The following LDLRAD3 variants were observed in gnomAD, a reference collection of about 807,000 sequenced individuals.
LDLRAD3 encodes the protein low density lipoprotein receptor class A domain containing 3.
A neutral mutation model predicts 29.4 loss-of-function variants in LDLRAD3; 20 were observed. The ratio of observed to expected loss-of-function variants is 0.68; its 90% CI spans 0.48 to 0.99. LDLRAD3 has a LOEUF of 0.99. Among genes scored for constraint, LDLRAD3 ranks in the 50% least tolerant of loss-of-function variants. The pLI, the probability that LDLRAD3 is intolerant of heterozygous loss-of-function variation, is 0.00. For synonymous variants in LDLRAD3, 157 were observed against 192.7 expected, an observed-to-expected ratio of 0.81 and a Z score of 1.53; for missense variants, 420 against 454.3, an observed-to-expected ratio of 0.92 and a Z score of 0.69.
At chr11:36,158,190 C>G (rs1312427432) in intron 4 of LDLRAD3, among the ~76,000 whole-genome samples, 1 of 152,134 alleles carries the variant, frequency 6.6e-6, no homozygotes, top group Non-Finnish European at 1.5e-5. Context: ...ATGAAGATAG[C>G]CTCAGCACAT....
intron 1 of LDLRAD3, among the ~76,000 whole-genome samples, chr11:35,954,673 G>A (rs1851179703): frequency 6.6e-6 from 1 of 152,174 alleles, no homozygotes; most frequent in Admixed American, 6.5e-5. Context: ...CTGGAGTTTA[G>A]AACAGTCTCA....
rs7948153 is a variant in LDLRAD3, at chr11:36,169,042, C to G, written c.455-58043C>G. On this transcript the variant is annotated intron_variant, in intron 4 of 5. Coordinates refer to ENST00000315571, the MANE Select transcript of LDLRAD3 (RefSeq NM_174902.4). ...AGGAGTCACCCTGCTTTTTTACTCTCCCAGAAGAGTTGTCTTATTTCTGAT... is the reference window on the plus strand; with the variant it reads ...AGGAGTCACCCTGCTTTTTTACTCTGCCAGAAGAGTTGTCTTATTTCTGAT... Among the ~76,000 whole-genome samples the G allele has an allele frequency of 7.5e-3, 1,136 of 152,238 alleles. 9 individuals carry two copies. Among genetic ancestry groups the G allele is most frequent in the Non-Finnish European group, 9.7e-3 (658 of 68,006 alleles).
At chr11:36,182,861 AGTTTAATAATGCAAG>A (rs1456456437) in intron 4 of LDLRAD3, among the ~76,000 whole-genome samples, 33 of 152,176 alleles carry the variant, frequency 2.2e-4, no homozygotes, top group Non-Finnish European at 4.6e-4. Flanking sequence ...TGTGTGTCTC[AGTTTAATAATGCAAG>A]CTTTTGGTTT....
intron 4 of LDLRAD3, among the ~76,000 whole-genome samples, chr11:36,122,598 T>C (rs2133297531): frequency 6.6e-6 from 1 of 152,308 alleles, no homozygotes; most frequent in Non-Finnish European, 1.5e-5. Context: ...AAGCAGGAAC[T>C]GTTTTAGGTG....
chr11:35,959,602 T>C (rs113306449), intron 1 of LDLRAD3, among the ~76,000 whole-genome samples: 1,755 of 152,286 alleles, frequency 0.012, 42 homozygotes, highest in African/African-American at 0.04. Flanking sequence ...TTAATATATG[T>C]CATTATAATT....
At chr11:36,188,095 G>T (rs940314459) in intron 4 of LDLRAD3, among the ~76,000 whole-genome samples, 1 of 151,956 alleles carries the variant, frequency 6.6e-6, no homozygotes, top group African/African-American at 2.4e-5. Context: ...TCTTACTATT[G>T]ACCCAGCATG....
At chr11:36,204,256 C>T (rs956142436) in intron 4 of LDLRAD3, among the ~76,000 whole-genome samples, 1 of 152,108 alleles carries the variant, frequency 6.6e-6, no homozygotes, top group African/African-American at 2.4e-5. Context: ...TATGGCATAG[C>T]AAGGGGGTCA....
At chr11:36,146,773 C>CTTTTTATTTTATTTTATTTTATTTTAT (rs374445667) in intron 4 of LDLRAD3, among the ~76,000 whole-genome samples, 2 of 143,742 alleles carry the variant, frequency 1.4e-5, no homozygotes, top group African/African-American at 5.3e-5. Context: ...TTTCCCTCTA[C>CTTTTTATTTTATTTTATTTTATTTTAT]TTTATTTTAT....
At chr11:36,003,368 C>T (rs2133179943) in intron 1 of LDLRAD3, among the ~76,000 whole-genome samples, 1 of 152,320 alleles carries the variant, frequency 6.6e-6, no homozygotes, top group Non-Finnish European at 1.5e-5. Flanking sequence ...TCCATATTAA[C>T]TGTATTTTCT....
At chr11:36,044,081 A>G (rs76934523) in intron 2 of LDLRAD3, among the ~76,000 whole-genome samples, 3,701 of 152,242 alleles carry the variant, frequency 0.024, 93 homozygotes, top group East Asian at 0.11. Flanking sequence ...CATTAATGCT[A>G]TGGTTAAGAA....
At chr11:36,147,728 G>A (rs893972465) in intron 4 of LDLRAD3, among the ~76,000 whole-genome samples, 7 of 152,196 alleles carry the variant, frequency 4.6e-5, no homozygotes, top group African/African-American at 1.4e-4. Flanking sequence ...CCAGACTCCT[G>A]TGATTCTGAC....
intron 4 of LDLRAD3, among the ~76,000 whole-genome samples, chr11:36,158,566 C>G (rs1396530603): frequency 7.7e-6 from 1 of 129,830 alleles, no homozygotes; most frequent in East Asian, 2.4e-4. Flanking sequence ...ATTATCTTCT[C>G]CCAAACAATA....
Position 36,078,133 on chromosome 11 carries a change from T to C in LDLRAD3, c.194-3520T>C, listed in dbSNP as rs562752761. Among the ~76,000 whole-genome samples the C allele has an allele frequency of 2.2e-3, 336 of 152,276 alleles. 2 individuals are homozygous for C. The highest frequency in any genetic ancestry group is 6.8e-3 in the Middle Eastern group (2 of 294). The stretch of plus-strand genomic sequence containing the variant: ...AGTCTGGCTGAGTCCGGAGTTTTTA[T>C]GAGCCTCAGAGGGGAGGAAGTGCAT... On this transcript the variant is annotated intron_variant, in intron 2 of 5. Transcript: ENST00000315571.
At chr11:35,973,324 A>G (rs1851438884) in intron 1 of LDLRAD3, among the ~76,000 whole-genome samples, 1 of 152,220 alleles carries the variant, frequency 6.6e-6, no homozygotes, top group African/African-American at 2.4e-5. Flanking sequence ...TCCTATTGGT[A>G]GACAGGTTGA....
At chr11:36,031,908 A>G (rs1345089282) in intron 1 of LDLRAD3, among the ~76,000 whole-genome samples, 1 of 152,244 alleles carries the variant, frequency 6.6e-6, no homozygotes, top group Non-Finnish European at 1.5e-5. Flanking sequence ...GGTGGCTGAA[A>G]TGACAGAAGT....
intron 4 of LDLRAD3, among the ~76,000 whole-genome samples, chr11:36,179,178 G>A (rs1854720728): frequency 6.6e-6 from 1 of 152,134 alleles, no homozygotes. Context: ...GAATGAAAAG[G>A]TAGAGCCCAG....
At chr11:36,136,529 C>G (rs1028238827) in intron 4 of LDLRAD3, among the ~76,000 whole-genome samples, 2 of 151,990 alleles carry the variant, frequency 1.3e-5, no homozygotes, top group African/African-American at 2.4e-5. Context: ...GTGTGTGGCA[C>G]CTCCCGCCAG....
chr11:35,944,394 T>C lies in LDLRAD3; in HGVS notation c.46+250T>C, dbSNP rs1177144934. On this transcript the variant is annotated intron_variant, in intron 1 of 5. Transcript: ENST00000315571. This position sits in a 1 kb window ranked among gnomAD's most constrained non-coding sequence, Gnocchi z 4.9. The stretch of plus-strand genomic sequence containing the variant: ...TGCTGTGTGCGCGGGCGGGGCTCTG[T>C]GTGCAGTCCGGGTCTGGGGAGCCCG... Among the ~76,000 whole-genome samples, 4 of 152,118 alleles carry C rather than the reference T, an allele frequency of 2.6e-5. No homozygotes were observed. In the East Asian group the frequency reaches 5.8e-4, roughly 22 times the overall value.
In LDLRAD3 at chr11:36,098,357, G is replaced by T. The variant is rs758015390; in HGVS notation, c.350G>T (p.Arg117Leu). The change falls in exon 4 of 6, where the codon CGC (arginine) becomes CTC (leucine). Residue 117 changes from arginine to leucine, a missense_variant. This residue lies in a region of LDLRAD3 where 224 missense variants were observed against 222.2 expected (regional missense o/e 1.01). Transcript: ENST00000315571. ...TANPLLCSTARYHCKNGLCID... is the reference protein window; with the variant it reads ...TANPLLCSTALYHCKNGLCID... ...AACCCTCTGCTTTGCTCCACCGCCC[G>T]CTACCACTGCAAGAACGGCCTCTGT... 1.2e-6 allele frequency: 2 copies of T among 1,614,168 alleles called. No homozygotes were observed. The highest frequency in any genetic ancestry group is 1.1e-5 in the South Asian group (1 of 91,078).
Sources: allele counts gnomAD v4.1 joint callset (sites outside exome capture counted in the v4.1 genomes callset), GRCh38; gene constraint gnomAD v4.1.1; regional missense constraint gnomAD v4.1.1; non-coding constraint Gnocchi (gnomAD v3.1); transcripts MANE v1.5; gene names NCBI Gene and HGNC (gene_info 2026-07-23, HGNC 2026-07-21).